KIF18A: variants seen among roughly 807,000 people sequenced by gnomAD.
KIF18A encodes the protein kinesin family member 18A, also known as kinesin-like protein KIF18A.
KIF18A carries 67 observed loss-of-function variants against 103.3 expected under a neutral mutation model. The ratio of observed to expected loss-of-function variants is 0.65; its 90% CI spans 0.53 to 0.79. The LOEUF (loss-of-function observed/expected upper bound fraction) is 0.79, where lower values mean the gene tolerates loss of function less well. Among genes scored for constraint, KIF18A ranks in the 30% least tolerant of loss-of-function variants. The probability of loss-of-function intolerance (pLI) is 0.00; values close to 1 mark genes in which losing one functional copy is unlikely to be tolerated. For synonymous variants in KIF18A, 367 were observed against 355.5 expected, an observed-to-expected ratio of 1.03 and a Z score of -0.36; for missense variants, 1,032 against 1,062.5, an observed-to-expected ratio of 0.97 and a Z score of 0.40.
At chr11:28,049,457 G>C (rs1369269782) in intron 13 of KIF18A, among the ~76,000 whole-genome samples, 1 of 152,016 alleles carries the variant, frequency 6.6e-6, no homozygotes, top group African/African-American at 2.4e-5. Flanking sequence ...GTTTAAGACT[G>C]TAAACGTTAA....
intron 15 of KIF18A, among the ~76,000 whole-genome samples, chr11:28,028,823 A>G (rs1441128134): frequency 2.6e-5 from 4 of 152,078 alleles, no homozygotes; most frequent in Non-Finnish European, 4.4e-5. Context: ...TCAAATAGAC[A>G]CAATAAAAAA....
At chr11:28,050,771 T>C (rs917507030) in intron 13 of KIF18A, among the ~76,000 whole-genome samples, 4 of 151,830 alleles carry the variant, frequency 2.6e-5, no homozygotes, top group Non-Finnish European at 5.9e-5. Flanking sequence ...ACTTAGTGAG[T>C]GTGCTATCTA....
intron 13 of KIF18A, among the ~76,000 whole-genome samples, chr11:28,045,989 A>G (rs868045418): frequency 6.6e-6 from 1 of 151,596 alleles, no homozygotes; most frequent in African/African-American, 2.4e-5. Context: ...CAAAACCACA[A>G]TGAGATACCA....
At chr11:28,083,602 A>G (rs962542999) in intron 7 of KIF18A, among the ~76,000 whole-genome samples, 10 of 152,062 alleles carry the variant, frequency 6.6e-5, no homozygotes, top group African/African-American at 2.4e-4. Flanking sequence ...TAACATTTTT[A>G]TCATAGTATG....
chr11:28,097,672 G>A lies in KIF18A; in HGVS notation c.276C>T (p.His92=), dbSNP rs1851391967. 3 of 1,611,064 alleles carry A rather than the reference G, an allele frequency of 1.9e-6. No homozygotes were observed. The South Asian group carries it at 3.3e-5, about 18-fold the overall frequency. ...ETSTQSEVFE[H]TTKPILRSFL... is the part of the protein sequence containing the mutation. ...AACTACGAAGAATTGGCTTAGTAGT[G>A]TGTTCAAAAACTTCTGACTGAGTTG... Residue 92 remains histidine (H), a synonymous_variant, in exon 2 of 17, where the codon CAC becomes CAT. Coordinates refer to ENST00000263181, the MANE Select transcript of KIF18A (RefSeq NM_031217.4).
intron 1 of KIF18A, among the ~76,000 whole-genome samples, chr11:28,102,974 A>G (rs2133570346): frequency 6.6e-6 from 1 of 152,316 alleles, no homozygotes; most frequent in South Asian, 2.1e-4. Context: ...AAGCCTAAAT[A>G]TCGTTATCTG....
chr11:28,061,356 A>G (rs1470225869), intron 12 of KIF18A, among the ~76,000 whole-genome samples: 1 of 152,144 alleles, frequency 6.6e-6, no homozygotes, highest in Non-Finnish European at 1.5e-5. Flanking sequence ...CTTCTATGCT[A>G]CATTTCCTCT....
At chr11:28,028,797 G>A (rs1458168687) in intron 15 of KIF18A, among the ~76,000 whole-genome samples, 1 of 151,516 alleles carries the variant, frequency 6.6e-6, no homozygotes, top group East Asian at 1.9e-4. Flanking sequence ...CTAAGAAAGA[G>A]GAAAAGAGAG....
At chr11:28,098,114 CTG>C (rs1851399144) in intron 1 of KIF18A, 121 bp from the exon 2 acceptor site, 6 of 555,856 alleles carry the variant, frequency 1.1e-5, no homozygotes, top group Non-Finnish European at 1.6e-5. Flanking sequence ...TAGGTAAACA[CTG>C]GGGGAAAAAT....
chr11:28,032,461 C>T (rs1282571292), intron 15 of KIF18A, among the ~76,000 whole-genome samples: 1 of 151,890 alleles, frequency 6.6e-6, no homozygotes, highest in South Asian at 2.1e-4. Context: ...TACCTGACTT[C>T]AAATTACACT....
At chr11:28,085,457 T>C (rs1360171749) in intron 6 of KIF18A, among the ~76,000 whole-genome samples, 1 of 152,212 alleles carries the variant, frequency 6.6e-6, no homozygotes, top group African/African-American at 2.4e-5. Flanking sequence ...AAGTTCACAG[T>C]AGACAGCAAC....
intron 13 of KIF18A, among the ~76,000 whole-genome samples, chr11:28,058,338 A>G (rs1850808632): frequency 6.6e-6 from 1 of 151,780 alleles, no homozygotes; most frequent in Non-Finnish European, 1.5e-5. Context: ...AAGGATGGGA[A>G]GCAAAATTGT....
At chr11:28,097,073 T>C (rs983178450) in intron 2 of KIF18A, among the ~76,000 whole-genome samples, 7 of 152,092 alleles carry the variant, frequency 4.6e-5, no homozygotes, top group African/African-American at 7.2e-5. Flanking sequence ...CATGGGTAAA[T>C]TGCATGCTGC....
At chr11:28,086,484 T>C (rs565897854) in intron 6 of KIF18A, among the ~76,000 whole-genome samples, 2 of 152,346 alleles carry the variant, frequency 1.3e-5, no homozygotes, top group East Asian at 1.9e-4. Flanking sequence ...TTCCAGAAAG[T>C]AGAATGTTTA....
At chr11:28,099,110 A>C (rs549503010) in intron 1 of KIF18A, among the ~76,000 whole-genome samples, 2 of 152,292 alleles carry the variant, frequency 1.3e-5, no homozygotes, top group African/African-American at 4.8e-5. Context: ...AGATAAATAG[A>C]TCGAAAAAAT....
At chr11:28,100,386 A>G (rs1851429643) in intron 1 of KIF18A, among the ~76,000 whole-genome samples, 1 of 152,168 alleles carries the variant, frequency 6.6e-6, no homozygotes, top group Admixed American at 6.5e-5. Flanking sequence ...TGTGTTAAAT[A>G]CTGCTAATAG....
chr11:28,024,286 C>G (rs1850285576), intron 15 of KIF18A, among the ~76,000 whole-genome samples: 1 of 150,146 alleles, frequency 6.7e-6, no homozygotes, highest in Non-Finnish European at 1.5e-5. Flanking sequence ...TTTGAAAAAC[C>G]TTGTTTTAAA....
At chr11:28,043,667 A>G (rs1003251911) in intron 13 of KIF18A, among the ~76,000 whole-genome samples, 2 of 127,138 alleles carry the variant, frequency 1.6e-5, no homozygotes, top group Admixed American at 8.9e-5. Context: ...ATACAGTATG[A>G]TCCCAATTTT....
intron 13 of KIF18A, among the ~76,000 whole-genome samples, chr11:28,043,881 A>C (rs1646287588): frequency 6.7e-6 from 1 of 150,172 alleles, no homozygotes; most frequent in Non-Finnish European, 1.5e-5. Context: ...TATATAATAA[A>C]TATAATCCTG....
Sources: allele counts gnomAD v4.1 joint callset (sites outside exome capture counted in the v4.1 genomes callset), GRCh38; gene constraint gnomAD v4.1.1; transcripts MANE v1.5; gene names NCBI Gene and HGNC (gene_info 2026-07-23, HGNC 2026-07-21).